SEMA6D: variants seen among roughly 807,000 people sequenced by gnomAD.
The protein encoded by SEMA6D is semaphorin-6D.
A neutral mutation model predicts 106.6 loss-of-function variants in SEMA6D; 35 were observed. That is an observed-to-expected ratio of 0.33 (90% CI 0.25 to 0.44). The LOEUF is 0.44. Among genes scored for constraint, SEMA6D ranks in the 20% least tolerant of loss-of-function variants. The pLI is 1.00. For missense variants in SEMA6D, 1,185 were observed against 1,345.9 expected (o/e 0.88, Z 1.87); for synonymous variants, 499 against 487.7 (o/e 1.02, Z -0.31).
At chr15:47,762,444 CT>C in intron 8 of SEMA6D, 125 bp downstream of exon 8, 1 of 1,084,038 alleles carries the variant, frequency 9.2e-7, no homozygotes. Context: ...CAAGTACACA[CT>C]GCTTTGATTG....
chr15:47,607,422 A>G lies in SEMA6D; in HGVS notation c.-55+6526A>G, dbSNP rs2076804305. On this transcript the variant is annotated intron_variant, in intron 4 of 19. Coordinates refer to the SEMA6D transcript ENST00000558014. ...CCAGGTGACAAAGCAAGCTAGTGGC[A>G]GCAGCAGCATGTAACTCAGAACATC... 2.6e-5 allele frequency among the ~76,000 whole-genome samples: 4 copies of G among 152,216 alleles called. No homozygotes were observed. The South Asian group carries it at 8.3e-4, about 31-fold the overall frequency.
chr15:47,340,572 A>T (rs142891235), intron 1 of SEMA6D, among the ~76,000 whole-genome samples: 1,686 of 152,282 alleles, frequency 0.011, 13 homozygotes, highest in Non-Finnish European at 0.014. Flanking sequence ...AAAAAAAATC[A>T]TTCTTTCTAG....
At chr15:47,749,083 T>C (rs1347795106) in intron 1 of SEMA6D, among the ~76,000 whole-genome samples, 2 of 145,118 alleles carry the variant, frequency 1.4e-5, no homozygotes, top group African/African-American at 5.1e-5. Flanking sequence ...TTTTTTTCTT[T>C]TTTTTTTTTT....
intron 3 of SEMA6D, among the ~76,000 whole-genome samples, chr15:47,524,029 T>A (rs1011951981): frequency 6.6e-6 from 1 of 152,208 alleles, no homozygotes; most frequent in Non-Finnish European, 1.5e-5. Flanking sequence ...CCTCCTGACT[T>A]TTATCAAGGA....
In SEMA6D at chr15:47,679,809, G is replaced by A. The variant is rs181610835; in HGVS notation, c.-55+78913G>A. 3.3e-4 allele frequency among the ~76,000 whole-genome samples: 50 copies of A among 152,234 alleles called. No homozygotes were observed. In the East Asian group the frequency reaches 9.5e-3, roughly 29 times the overall value. On this transcript the variant is annotated intron_variant, in intron 4 of 19. Transcript: ENST00000558014. The stretch of plus-strand genomic sequence containing the variant: ...ATATGAAAGCATTTTTGCAATCTTT[G>A]GCTGTTTGGTCCCCATGCCAATCCT...
chr15:47,655,575 G>T (rs184909201), intron 4 of SEMA6D, among the ~76,000 whole-genome samples: 57 of 152,200 alleles, frequency 3.7e-4, no homozygotes, highest in African/African-American at 1.3e-3. Context: ...AATTACATTC[G>T]CTTCCTTCAA....
intron 1 of SEMA6D, among the ~76,000 whole-genome samples, chr15:47,249,900 CA>C (rs2033413956): frequency 6.6e-6 from 1 of 152,114 alleles, no homozygotes; most frequent in Admixed American, 6.6e-5. Flanking sequence ...TTGGGACTAT[CA>C]AACAATTCTG....
At chr15:47,252,196 C>T (rs2033561179) in intron 1 of SEMA6D, among the ~76,000 whole-genome samples, 1 of 151,946 alleles carries the variant, frequency 6.6e-6, no homozygotes, top group African/African-American at 2.4e-5. Context: ...GGATTACAGG[C>T]GTGCTAATTG....
At chr15:47,344,658 G>T (rs1238492327) in intron 1 of SEMA6D, among the ~76,000 whole-genome samples, 1 of 152,176 alleles carries the variant, frequency 6.6e-6, no homozygotes, top group African/African-American at 2.4e-5. Flanking sequence ...ATCTGCAGAG[G>T]ATCTCTTTTG....
chr15:47,450,627 A>G (rs1357575297), intron 2 of SEMA6D, among the ~76,000 whole-genome samples: 2 of 152,058 alleles, frequency 1.3e-5, no homozygotes, highest in African/African-American at 4.8e-5. Context: ...GATATCTCAT[A>G]AGGTGACCTC....
intron 1 of SEMA6D, among the ~76,000 whole-genome samples, chr15:47,216,061 A>G (rs1231574011): frequency 6.6e-6 from 1 of 152,194 alleles, no homozygotes; most frequent in East Asian, 1.9e-4. Context: ...ATTAGTCCTG[A>G]TATGTAACTT....
chr15:47,616,907 G>A (rs1012608789), intron 4 of SEMA6D, among the ~76,000 whole-genome samples: 4 of 152,080 alleles, frequency 2.6e-5, no homozygotes, highest in East Asian at 1.9e-4. Flanking sequence ...AAGTATTTTC[G>A]ATCTCCTTAG....
chr15:47,732,234 A>C (rs56775249), intron 1 of SEMA6D, among the ~76,000 whole-genome samples: 353 of 152,332 alleles, frequency 2.3e-3, no homozygotes, highest in African/African-American at 8.2e-3. Context: ...CATAGTAAGA[A>C]GTCCTGAAAT....
intron 1 of SEMA6D, among the ~76,000 whole-genome samples, chr15:47,235,875 C>T (rs4374110): frequency 6.6e-6 from 1 of 151,956 alleles, no homozygotes; most frequent in Non-Finnish European, 1.5e-5. Flanking sequence ...AAATACTGGC[C>T]TTTTGAGTGG....
chr15:47,319,300 C>A (rs1016685608), intron 1 of SEMA6D, among the ~76,000 whole-genome samples: 2 of 152,110 alleles, frequency 1.3e-5, no homozygotes, highest in Non-Finnish European at 2.9e-5. Flanking sequence ...CTGCTGTATC[C>A]CATTCTTGTG....
At chr15:47,470,697 T>C (rs2141163914) in intron 3 of SEMA6D, among the ~76,000 whole-genome samples, 1 of 152,308 alleles carries the variant, frequency 6.6e-6, no homozygotes, top group African/African-American at 2.4e-5. Flanking sequence ...CGAGCTTGAC[T>C]AAGTGGTCAG....
intron 4 of SEMA6D, among the ~76,000 whole-genome samples, chr15:47,615,152 G>C (rs535413877): frequency 3.4e-4 from 52 of 151,064 alleles, no homozygotes; most frequent in African/African-American, 1.2e-3. Flanking sequence ...ACCAACCACA[G>C]GTCAAAAATA....
intron 1 of SEMA6D, among the ~76,000 whole-genome samples, chr15:47,392,509 CGGA>C (rs2040071477): frequency 9.3e-6 from 1 of 107,700 alleles, no homozygotes; most frequent in Admixed American, 8.7e-5. Flanking sequence ...GCTTTGAAGA[CGGA>C]GGAAGGTGAA....
chr15:47,753,745 G>T (rs1386426489), intron 1 of SEMA6D, among the ~76,000 whole-genome samples: 1 of 152,144 alleles, frequency 6.6e-6, no homozygotes, highest in Non-Finnish European at 1.5e-5. Context: ...AGGAGGAAGG[G>T]CAGGACTTCG....
Sources: gnomAD v4.1 joint callset for allele counts (sites outside exome capture counted in the v4.1 genomes callset) on GRCh38, gnomAD v4.1.1 for gene constraint, MANE v1.5 for transcripts, NCBI Gene and HGNC (gene_info 2026-07-23, HGNC 2026-07-21) for gene names.